Variants in SLC25A1 observed in about 807,000 individuals in gnomAD.
SLC25A1 encodes solute carrier family 25 member 1, also known as tricarboxylate transport protein, mitochondrial.
SLC25A1 carries 26 observed loss-of-function variants against 38.1 expected under a neutral mutation model. The ratio of observed to expected loss-of-function variants is 0.68; its 90% CI spans 0.50 to 0.95. The LOEUF (loss-of-function observed/expected upper bound fraction) is 0.95. SLC25A1 is among the 40% of genes least tolerant of loss of function. The pLI, the probability that SLC25A1 is intolerant of heterozygous loss-of-function variation, is 0.00. For missense variants in SLC25A1, 378 were observed against 426.6 expected, an observed-to-expected ratio of 0.89 and a Z score of 1.00; for synonymous variants, 211 against 183.2, an observed-to-expected ratio of 1.15 and a Z score of -1.23.
chr22:19,177,086 C>A, intron 5 of SLC25A1, 34 bp downstream of exon 5: 2 of 1,601,870 alleles, frequency 1.2e-6, no homozygotes, highest in Non-Finnish European at 8.6e-7. Flanking sequence ...TGGCCCAGGT[C>A]CCTGAGCCCT....
Position 19,176,636 on chromosome 22 carries a change from G to C in SLC25A1, c.689C>G (p.Ala230Gly). The change falls in exon 7 of 9, where the codon GCA becomes GGA. Residue 230 changes from alanine to glycine, a missense_variant. By Grantham distance (60) the Ala-to-Gly change is moderately conservative. Transcript: ENST00000215882. ...GTTTCCAAAGACACTGGCTGCGCCT[G>C]CAATAGCTCCGAAGACCCCAGTGAT... ...PLITGVFGAIAGAASVFGNTP... is the reference protein window; with the variant it reads ...PLITGVFGAIGGAASVFGNTP... 6.2e-7 allele frequency: 1 copy of C among 1,613,976 alleles called. No homozygotes were observed. The highest frequency in any genetic ancestry group is 1.7e-5 in the Admixed American group (1 of 60,024).
chr22:19,178,016 G>C lies in SLC25A1; in HGVS notation c.228C>G (p.Arg76=). The C allele has an allele frequency of 6.3e-7, 1 of 1,599,326 alleles. No individual in the cohort carries two copies. Among genetic ancestry groups the C allele is most frequent in the Middle Eastern group, 1.9e-4 (1 of 5,380 alleles). Residue 76 remains arginine, a synonymous_variant, in exon 3 of 9, where the codon CGC becomes CGG. Coordinates refer to ENST00000215882, the MANE Select transcript of SLC25A1 (RefSeq NM_005984.5). The surrounding 1 kb of genome is among the most constrained non-coding windows in gnomAD (Gnocchi z 4.9). The part of the protein sequence containing the change: ...GIGDCVRQTV[R]SHGVLGLYRG... Reference sequence around the variant, plus strand: ...GGTACAGGCCCAGGACGCCATGGCTGCGAACCGTCTGCCGCACGCAGTCCC... The same window carrying C: ...GGTACAGGCCCAGGACGCCATGGCTCCGAACCGTCTGCCGCACGCAGTCCC...
In SLC25A1 at chr22:19,177,169, G is replaced by C. The variant is rs782787023; in HGVS notation, c.477C>G (p.Pro159=). The C allele has an allele frequency of 5.6e-6, 9 of 1,613,938 alleles. No homozygotes were observed. The highest frequency in any genetic ancestry group is 1.6e-4 in the Middle Eastern group (1 of 6,082). Residue 159 remains proline, a synonymous_variant, in exon 5 of 9, where the codon CCC becomes CCG. Coordinates refer to ENST00000215882, the MANE Select transcript of SLC25A1 (RefSeq NM_005984.5). ...KFIHDQTSPN[P]KYRGFFHGVR... Reference sequence around the variant, plus strand: ...CCCCGTGGAAGAATCCTCTGTACTTGGGGTTTGGGGAGGTCTGGTCGTGGA... The same window carrying C: ...CCCCGTGGAAGAATCCTCTGTACTTCGGGTTTGGGGAGGTCTGGTCGTGGA...
chr22:19,177,926 A>C lies in SLC25A1; in HGVS notation c.302+16T>G. ...GCCGAGCCCCCCTCCCGCAGCAGCC[A>C]CCGGCCGGGCCTCACCTGACGGCCG... On this transcript the variant is annotated intron_variant, in intron 3 of 8. Coordinates refer to ENST00000215882, the MANE Select transcript of SLC25A1 (RefSeq NM_005984.5). 1 of 1,587,992 alleles carries C rather than the reference A, an allele frequency of 6.3e-7. No individual in the cohort carries two copies. The highest frequency in any genetic ancestry group is 2.3e-5 in the East Asian group (1 of 43,802).
At position 19,177,830 on chromosome 22, in the gene SLC25A1, C is replaced by T. The variant is rs781912119; in HGVS notation, c.338G>A (p.Arg113Gln). 8.7e-6 allele frequency: 14 copies of T among 1,610,424 alleles called. No individual in the cohort carries two copies. The Admixed American group carries it at 2.0e-4, about 23-fold the overall frequency. ...GCTGTCCAGCCGTCCCTGGGCATCC[C>T]GCATGTGGTTGCTGAGGAACTCGAA... is the stretch of plus-strand genomic sequence containing the variant. Reference protein sequence around the residue: ...GMFEFLSNHMRDAQGRLDSTR... With the variant: ...GMFEFLSNHMQDAQGRLDSTR... The change falls in exon 4 of 9, where the codon CGG (arginine) becomes CAG (glutamine). Residue 113 changes from arginine to glutamine, a missense_variant. Physicochemically the swap from Arg to Gln is conservative, Grantham distance 43. Coordinates refer to ENST00000215882, the MANE Select transcript of SLC25A1 (RefSeq NM_005984.5).
rs2083990535 is a variant in SLC25A1, at chr22:19,177,865, C to T, written c.303G>A (p.Arg101=). 6.2e-7 allele frequency: 1 copy of T among 1,603,952 alleles called. No homozygotes were observed. Among genetic ancestry groups the T allele is most frequent in the South Asian group, 1.1e-5 (1 of 90,120 alleles). The part of the protein sequence containing the change: ...LYGSIPKAAV[R]FGMFEFLSNH... ...TGCTGAGGAACTCGAACATTCCAAACCTGGAGGCGGGAGGCGGGTGAGAGG... is the reference window on the plus strand; with the variant it reads ...TGCTGAGGAACTCGAACATTCCAAATCTGGAGGCGGGAGGCGGGTGAGAGG... The change falls in exon 4 of 9, where the codon AGG becomes AGA. Residue 101 remains arginine, a splice_region_variant and synonymous_variant. Coordinates refer to ENST00000215882, the MANE Select transcript of SLC25A1 (RefSeq NM_005984.5).
rs959544000 is a variant in SLC25A1, at chr22:19,177,319, A to G, written c.442-115T>C. 3.7e-5 allele frequency: 32 copies of G among 872,998 alleles called. No individual in the cohort carries two copies. The East Asian group carries it at 8.2e-4, about 22-fold the overall frequency. 54.1% of individuals were successfully genotyped at this position (872,998 alleles called of 1,614,324 possible). A position where few individuals can be genotyped will look rare whatever the true frequency, so the allele number is the denominator to read the frequency against. On this transcript the variant is annotated intron_variant, in intron 4 of 8. Transcript: ENST00000215882. ...GGGAACTGGGAACTCTTCCCCAGGA[A>G]GCAGTGCAGCCAAGGCCGCCCTGGG...
chr22:19,178,315 T>C lies in SLC25A1; in HGVS notation c.95-75A>G. On this transcript the variant is annotated intron_variant, in intron 1 of 8. Transcript: ENST00000215882. This position sits in a 1 kb window ranked among gnomAD's most constrained non-coding sequence, Gnocchi z 4.9. The stretch of plus-strand genomic sequence containing the variant: ...CTCGGGCCCCTCCCCCGTCCCGGAC[T>C]TCGGTCGGCGCGGCCGCCGCGCCAG... 6.6e-7 allele frequency: 1 copy of C among 1,526,188 alleles called. No homozygotes were observed. The highest frequency in any genetic ancestry group is 8.8e-7 in the Non-Finnish European group (1 of 1,137,008). The allele number at this position is 1,526,188 out of a possible 1,614,324, so 94.5% of individuals were successfully genotyped here.
chr22:19,178,199 T>G lies in SLC25A1; in HGVS notation c.136A>C (p.Thr46Pro). The change falls in exon 2 of 9, where the codon ACC becomes CCC. Residue 46 changes from threonine (T) to proline (P), a missense_variant. Physicochemically the swap from Thr to Pro is conservative, Grantham distance 38. Coordinates refer to ENST00000215882, the MANE Select transcript of SLC25A1 (RefSeq NM_005984.5). The surrounding 1 kb of genome is among the most constrained non-coding windows in gnomAD (Gnocchi z 4.9). The part of the protein sequence containing the change: ...GGIEICITFP[T>P]EYVKTQLQLD... ...TGCAGCTGCGTCTTCACGTACTCGG[T>G]GGGGAAGGTGATGCAGATCTCGATG... 6.4e-7 allele frequency: 1 copy of G among 1,552,432 alleles called. No individual in the cohort carries two copies. The highest frequency in any genetic ancestry group is 8.7e-7 in the Non-Finnish European group (1 of 1,149,120).
chr22:19,177,281 C>T lies in SLC25A1; in HGVS notation c.442-77G>A, dbSNP rs1448252168. 7.3e-6 allele frequency: 9 copies of T among 1,231,704 alleles called. No homozygotes were observed. In the African/African-American group the frequency reaches 9.0e-5, roughly 12 times the overall value. The allele number at this position is 1,231,704 out of a possible 1,614,324, so 76.3% of individuals were successfully genotyped here. A position where few individuals can be genotyped will look rare whatever the true frequency, so the allele number is the denominator to read the frequency against. ...CTGGCTAGCTGGCAGGCCCAGGGCCCATCCAGGGTGGAGGGAACTGGGAAC... is the reference window on the plus strand; with the variant it reads ...CTGGCTAGCTGGCAGGCCCAGGGCCTATCCAGGGTGGAGGGAACTGGGAAC... On this transcript the variant is annotated intron_variant, in intron 4 of 8. Coordinates refer to ENST00000215882, the MANE Select transcript of SLC25A1 (RefSeq NM_005984.5).
In SLC25A1 at chr22:19,175,948, G is replaced by A. The variant is rs2083952596; in HGVS notation, c.*182C>T. The A allele has an allele frequency of 3.2e-6, 2 of 628,836 alleles. No homozygotes were observed. The highest frequency in any genetic ancestry group is 5.8e-6 in the Non-Finnish European group (2 of 345,636). 39.0% of individuals were successfully genotyped at this position (628,836 alleles called of 1,614,324 possible). A position where few individuals can be genotyped will look rare whatever the true frequency, so the allele number is the denominator to read the frequency against. On this transcript the variant is annotated 3_prime_UTR_variant, in exon 9 of 9. Transcript: ENST00000215882. The stretch of plus-strand genomic sequence containing the variant: ...GGGCCAGACACTGGGACACAGTGGT[G>A]GTGTCACACACAGACCACAGGGGGG...
rs1379642063 is a variant in SLC25A1 at position 19,178,104 on chromosome 22, C to CCGCGG, written c.202+24_202+28dup. ...TGCCGCCGCCCTGGGTACCCGCCCC[C>CCGCGG]CGCGGCGCCGCGGCCTCCCCCTCCT... On this transcript the variant is annotated intron_variant, in intron 2 of 8. Transcript: ENST00000215882. This position sits in a 1 kb window ranked among gnomAD's most constrained non-coding sequence, Gnocchi z 4.9. 6.5e-7 allele frequency: 1 copy of CCGCGG among 1,531,620 alleles called. No individual in the cohort carries two copies. Among genetic ancestry groups the CCGCGG allele is most frequent in the African/African-American group, 1.4e-5 (1 of 71,158 alleles). 94.9% of individuals were successfully genotyped at this position (1,531,620 alleles called of 1,614,324 possible). A position where few individuals can be genotyped will look rare whatever the true frequency, so the allele number is the denominator to read the frequency against.
In SLC25A1 at chr22:19,177,898, G is replaced by C. The variant is rs782579935; in HGVS notation, c.303-33C>G. The C allele has an allele frequency of 5.7e-6, 9 of 1,581,920 alleles. No homozygotes were observed. The African/African-American group carries it at 1.1e-4, about 19-fold the overall frequency. On this transcript the variant is annotated intron_variant, in intron 3 of 8. Transcript: ENST00000215882. Reference sequence around the variant, plus strand: ...CGGGAGGCGGGTGAGAGGGGCTGCCGCGGCCGAGCCCCCCTCCCGCAGCAG... The same window carrying C: ...CGGGAGGCGGGTGAGAGGGGCTGCCCCGGCCGAGCCCCCCTCCCGCAGCAG...
chr22:19,177,648 C>T, intron 4 of SLC25A1, 79 bp downstream of exon 4: 1 of 1,578,564 alleles, frequency 6.3e-7, no homozygotes, highest in Non-Finnish European at 8.6e-7. Context: ...TGCCGGTTGC[C>T]CCGGGAGCAC....
At position 19,178,321 on chromosome 22, in the gene SLC25A1, C is replaced by T. The variant is rs1555923404; in HGVS notation, c.95-81G>A. ...CCCCTCCCCCGTCCCGGACTTCGGT[C>T]GGCGCGGCCGCCGCGCCAGTGCCGC... On this transcript the variant is annotated intron_variant, in intron 1 of 8. Coordinates refer to ENST00000215882, the MANE Select transcript of SLC25A1 (RefSeq NM_005984.5). This position sits in a 1 kb window ranked among gnomAD's most constrained non-coding sequence, Gnocchi z 4.9. 3 of 1,522,870 alleles carry T rather than the reference C, an allele frequency of 2.0e-6. No individual in the cohort carries two copies. Among genetic ancestry groups the T allele is most frequent in the Non-Finnish European group, 2.6e-6 (3 of 1,135,790 alleles). 94.3% of individuals were successfully genotyped at this position (1,522,870 alleles called of 1,614,324 possible).
Position 19,176,682 on chromosome 22 carries a change from T to A in SLC25A1, c.643A>T (p.Asn215Tyr). The A allele has an allele frequency of 6.2e-7, 1 of 1,613,908 alleles. No individual in the cohort carries two copies. Among genetic ancestry groups the A allele is most frequent in the Non-Finnish European group, 8.5e-7 (1 of 1,179,936 alleles). ...GTGATCAGAGGGTTCATGGGCTTGT[T>A]GGGGTTGTCCCCTGGATATAGGAGG... is the stretch of plus-strand genomic sequence containing the variant. Reference protein sequence around the residue: ...LRNWYRGDNPNKPMNPLITGV... With the variant: ...LRNWYRGDNPYKPMNPLITGV... Residue 215 changes from asparagine (N) to tyrosine (Y), a missense_variant, in exon 7 of 9, where the codon AAC becomes TAC. Transcript: ENST00000215882.
rs1019988389 is a variant in SLC25A1, at chr22:19,177,448, T to G, written c.442-244A>C. On this transcript the variant is annotated intron_variant, in intron 4 of 8. Transcript: ENST00000215882. Reference sequence around the variant, plus strand: ...CAGCCTCTCCCTTTATGTTTGCTGCTCTTTTCCAGTTTTGGCAGTGAAGGT... The same window carrying G: ...CAGCCTCTCCCTTTATGTTTGCTGCGCTTTTCCAGTTTTGGCAGTGAAGGT... 3.9e-5 allele frequency among the ~76,000 whole-genome samples: 6 copies of G among 152,220 alleles called. No individual in the cohort carries two copies. The East Asian group carries it at 7.7e-4, about 20-fold the overall frequency.
In SLC25A1 at chr22:19,178,456, A is replaced by G. The variant is rs2084008835; in HGVS notation, c.94+124T>C. The stretch of plus-strand genomic sequence containing the variant: ...GCGAGTCCCAGCGCGCCGGGTGGGG[A>G]CCAGGACCGCGCCTCCACGACTCCC... On this transcript the variant is annotated intron_variant, in intron 1 of 8. Transcript: ENST00000215882. This position sits in a 1 kb window ranked among gnomAD's most constrained non-coding sequence, Gnocchi z 4.9. 6.5e-5 allele frequency: 88 copies of G among 1,358,350 alleles called. 3 individuals are homozygous for G. The South Asian group carries it at 1.5e-3, about 24-fold the overall frequency. The allele number at this position is 1,358,350 out of a possible 1,614,324, so 84.1% of individuals were successfully genotyped here. A position where few individuals can be genotyped will look rare whatever the true frequency, so the allele number is the denominator to read the frequency against.
chr22:19,177,596 C>T, intron 4 of SLC25A1, 131 bp downstream of exon 4: 2 of 1,309,340 alleles, frequency 1.5e-6, no homozygotes, highest in Non-Finnish European at 2.1e-6. Context: ...CCCGCGGTCA[C>T]CCCGCCGGCC....
Sources: allele counts gnomAD v4.1 joint callset (sites outside exome capture counted in the v4.1 genomes callset), GRCh38; gene constraint gnomAD v4.1.1; non-coding constraint Gnocchi (gnomAD v3.1); transcripts MANE v1.5; gene names NCBI Gene and HGNC (gene_info 2026-07-23, HGNC 2026-07-21).